NRXN1: variants seen among roughly 807,000 people sequenced by gnomAD.
NRXN1 encodes neurexin-1.
A neutral mutation model predicts 150.9 loss-of-function variants in NRXN1; 39 were observed. The ratio of observed to expected loss-of-function variants is 0.26; its 90% confidence interval spans 0.20 to 0.34. The LOEUF (loss-of-function observed/expected upper bound fraction) is 0.34, where lower values mean the gene tolerates loss of function less well. NRXN1 is among the 10% of genes least tolerant of loss of function. NRXN1 has a pLI of 1.00. For missense variants in NRXN1, 1,815 were observed against 1,949.9 expected (o/e 0.93, Z 1.30); for synonymous variants, 924 against 757.0 (o/e 1.22, Z -3.62).
In NRXN1 at chr2:51,027,667, T is replaced by G. The variant is rs1036621367; in HGVS notation, c.607A>C (p.Lys203Gln). The change falls in exon 2 of 23, where the codon AAG becomes CAG. Residue 203 changes from lysine to glutamine, a missense_variant. Lys to Gln is a moderately conservative substitution (Grantham distance 53). This residue lies in a region of NRXN1 where 554 missense variants were observed against 478.8 expected (regional missense o/e 1.16). Transcript: ENST00000401669. ...QVLPVDSGEV[K>Q]LDDEPPNSGG... Reference sequence around the variant, plus strand: ...CTGTTGGGCGGCTCATCGTCCAGCTTCACCTCGCCGCTGTCCACGGGCAGG... The same window carrying G: ...CTGTTGGGCGGCTCATCGTCCAGCTGCACCTCGCCGCTGTCCACGGGCAGG... 1 of 1,602,740 alleles carries G rather than the reference T, an allele frequency of 6.2e-7. No homozygotes were observed. The highest frequency in any genetic ancestry group is 1.3e-5 in the African/African-American group (1 of 74,602).
intron 5 of NRXN1, among the ~76,000 whole-genome samples, chr2:50,736,976 A>G (rs1698834247): frequency 6.6e-6 from 1 of 152,118 alleles, no homozygotes; most frequent in Admixed American, 6.6e-5. Flanking sequence ...GATAAAAGTC[A>G]ACCAGGCATG....
chr2:50,338,341 A>G (rs1276665736), intron 17 of NRXN1, among the ~76,000 whole-genome samples: 2 of 152,154 alleles, frequency 1.3e-5, no homozygotes, highest in East Asian at 3.8e-4. Context: ...TTTTTCTACT[A>G]TGTAGGCACA....
chr2:50,868,141 T>TTATATATA (rs70958631), intron 5 of NRXN1, among the ~76,000 whole-genome samples: 46 of 87,706 alleles, frequency 5.2e-4, no homozygotes, highest in Non-Finnish European at 6.6e-4. Context: ...AAACAAAATA[T>TTATATATA]TATATATATA....
At chr2:50,704,459 A>G (rs11510396) in intron 5 of NRXN1, among the ~76,000 whole-genome samples, 235 of 152,072 alleles carry the variant, frequency 1.5e-3, no homozygotes, top group African/African-American at 5.4e-3. Flanking sequence ...ATTTGCAAAA[A>G]TATTTAAAAG....
intron 17 of NRXN1, among the ~76,000 whole-genome samples, chr2:50,285,411 C>G (rs942899373): frequency 2.0e-5 from 3 of 152,166 alleles, no homozygotes; most frequent in Admixed American, 1.3e-4. Flanking sequence ...AGGGCGCAGT[C>G]ACACACAACC....
intron 21 of NRXN1, among the ~76,000 whole-genome samples, chr2:49,978,339 G>A (rs1337171674): frequency 2.0e-5 from 3 of 152,182 alleles, no homozygotes; most frequent in African/African-American, 7.2e-5. Flanking sequence ...CTACACCACA[G>A]CTTGCATGGG....
chr2:49,931,619 A>G (rs1670131986), intron 22 of NRXN1, among the ~76,000 whole-genome samples: 2 of 152,026 alleles, frequency 1.3e-5, no homozygotes, highest in Non-Finnish European at 2.9e-5. Flanking sequence ...CCAACTTTCC[A>G]TAATTGTCAA....
intron 18 of NRXN1, among the ~76,000 whole-genome samples, chr2:50,111,237 A>G (rs1702334719): frequency 1.3e-5 from 2 of 152,198 alleles, no homozygotes; most frequent in African/African-American, 2.4e-5. Context: ...TGATAACAGA[A>G]GCCCTTCTAA....
chr2:50,779,380 A>T (rs568897779), intron 5 of NRXN1, among the ~76,000 whole-genome samples: 1 of 152,316 alleles, frequency 6.6e-6, no homozygotes, highest in South Asian at 2.1e-4. Flanking sequence ...ATAGTATTCC[A>T]TGGTATATAT....
Position 50,234,793 on chromosome 2 carries a change from G to T in NRXN1, c.3546+1996C>A, listed in dbSNP as rs2065266688. On this transcript the variant is annotated intron_variant, in intron 18 of 22. Coordinates refer to ENST00000401669, the MANE Select transcript of NRXN1 (RefSeq NM_001330078.2). Reference sequence around the variant, plus strand: ...CACTGAATCCAAAGAGAACGACCAGGCAAGACCAAGATCGGAGATTCAGAA... The same window carrying T: ...CACTGAATCCAAAGAGAACGACCAGTCAAGACCAAGATCGGAGATTCAGAA... Among the ~76,000 whole-genome samples, 3 of 152,060 alleles carry T rather than the reference G, an allele frequency of 2.0e-5. No homozygotes were observed. The South Asian group carries it at 6.2e-4, about 32-fold the overall frequency.
intron 18 of NRXN1, among the ~76,000 whole-genome samples, chr2:50,206,243 ACACAC>A (rs756612966): frequency 5.3e-5 from 8 of 150,846 alleles, no homozygotes; most frequent in Non-Finnish European, 1.0e-4. Context: ...ACACACACAC[ACACAC>A]ACACACACAC....
In NRXN1 at chr2:51,026,018, CCTAA is replaced by C. The variant is rs561440123; in HGVS notation, c.772+1480_772+1483del. Among the ~76,000 whole-genome samples the C allele has an allele frequency of 1.9e-3, 284 of 152,070 alleles. 1 individual carries two copies. The highest frequency in any genetic ancestry group is 0.012 in the South Asian group (60 of 4,826). ...CTCCTAAAGACCAGTTTTTTTTCTT[CCTAA>C]CTAACTCTCCTTGCTGTTTAAACAA... On this transcript the variant is annotated intron_variant, in intron 2 of 22. Coordinates refer to ENST00000401669, the MANE Select transcript of NRXN1 (RefSeq NM_001330078.2).
chr2:50,900,932 A>T (rs531323749), intron 5 of NRXN1, among the ~76,000 whole-genome samples: 1 of 152,164 alleles, frequency 6.6e-6, no homozygotes, highest in Non-Finnish European at 1.5e-5. Context: ...TACCTCTTCA[A>T]TTCTCTCAAA....
chr2:50,083,300 C>T (rs545114548), intron 19 of NRXN1, among the ~76,000 whole-genome samples: 1 of 152,322 alleles, frequency 6.6e-6, no homozygotes, highest in South Asian at 2.1e-4. Flanking sequence ...TTTACCACAA[C>T]TCTTAGAAAA....
chr2:50,402,215 C>G (rs1451135382), intron 17 of NRXN1, among the ~76,000 whole-genome samples: 2 of 151,782 alleles, frequency 1.3e-5, no homozygotes, highest in Non-Finnish European at 2.9e-5. Flanking sequence ...GTAACTGAGC[C>G]TTCATGTCTT....
At chr2:50,146,527 T>C (rs1708030238) in intron 18 of NRXN1, among the ~76,000 whole-genome samples, 1 of 151,704 alleles carries the variant, frequency 6.6e-6, no homozygotes, top group African/African-American at 2.4e-5. Flanking sequence ...AATCATCTGT[T>C]CCATTATAGT....
intron 5 of NRXN1, among the ~76,000 whole-genome samples, chr2:50,683,701 C>T (rs1227090453): frequency 8.3e-6 from 1 of 120,998 alleles, no homozygotes; most frequent in Non-Finnish European, 1.7e-5. Context: ...TTAGAAAGTA[C>T]AGTAGTTTAG....
At chr2:50,740,087 T>C (rs1351316794) in intron 5 of NRXN1, among the ~76,000 whole-genome samples, 1 of 152,206 alleles carries the variant, frequency 6.6e-6, no homozygotes, top group Admixed American at 6.5e-5. Flanking sequence ...GTTTTTAAAT[T>C]CTAAGTAGCT....
intron 17 of NRXN1, among the ~76,000 whole-genome samples, chr2:50,324,107 C>T (rs184625626): frequency 6.6e-6 from 1 of 152,310 alleles, no homozygotes; most frequent in Non-Finnish European, 1.5e-5. Context: ...GAAAGCAATA[C>T]TTAGCAAAAC....
Sources: allele counts gnomAD v4.1 joint callset (sites outside exome capture counted in the v4.1 genomes callset), GRCh38; gene constraint gnomAD v4.1.1; regional missense constraint gnomAD v4.1.1; transcripts MANE v1.5; gene names NCBI Gene and HGNC (gene_info 2026-07-23, HGNC 2026-07-21).